XAB2: variants seen among roughly 807,000 people sequenced by gnomAD.
XAB2 encodes XPA binding protein 2.
Under a neutral mutation model 113.4 loss-of-function variants are expected in XAB2, and 57 were observed. That is an observed-to-expected ratio of 0.50 (90% CI 0.41 to 0.63). The LOEUF (loss-of-function observed/expected upper bound fraction) is 0.63. XAB2 is among the 20% of genes least tolerant of loss of function. The pLI is 0.00. For missense variants in XAB2, 1,037 were observed against 1,233.3 expected (o/e 0.84, Z 2.38); for synonymous variants, 497 against 498.8 (o/e 1.00, Z 0.05).
chr19:7,622,189 G>A (rs930195709), intron 12 of XAB2, 142 bp downstream of exon 12: 7 of 800,006 alleles, frequency 8.7e-6, no homozygotes, highest in Non-Finnish European at 1.4e-5. Context: ...CTCCAGGACG[G>A]GGAGAAGCTA....
chr19:7,621,068 G>A (rs779541083), intron 13 of XAB2, 32 bp from the exon 14 acceptor site: 41 of 1,537,432 alleles, frequency 2.7e-5, no homozygotes, highest in African/African-American at 1.1e-4. Flanking sequence ...AGGGGAGCAC[G>A]GTCAGCCGGG....
At position 7,624,537 on chromosome 19, in the gene XAB2, G is replaced by GGGGGCCTTCTGGGTAGTGACGCATCC; in HGVS notation, c.823-118_823-93dup. ...GCACCAGCCTCAATGTGGAACCCCT[G>GGGGGCCTTCTGGGTAGTGACGCATCC]GGGGCCTTCTGGGTAGTGACGCATC... On this transcript the variant is annotated intron_variant, in intron 6 of 18. Transcript: ENST00000358368. The surrounding 1 kb of genome is among the most constrained non-coding windows in gnomAD (Gnocchi z 4.2). 6.3e-7 allele frequency: 1 copy of GGGGGCCTTCTGGGTAGTGACGCATCC among 1,583,024 alleles called. No homozygotes were observed. The highest frequency in any genetic ancestry group is 8.6e-7 in the Non-Finnish European group (1 of 1,165,880).
rs1022131982 is a variant in XAB2, at chr19:7,626,253, T to C, written c.540A>G (p.Ala180=). The C allele has an allele frequency of 6.2e-7, 1 of 1,612,468 alleles. No homozygotes were observed. The highest frequency in any genetic ancestry group is 8.5e-7 in the Non-Finnish European group (1 of 1,179,874). ...RRFLKLSPES[A]EEYIEYLKSS... ...ACTTGAGGTACTCAATGTACTCCTCTGCACTCTCAGGACTCAGCTGGGGAC... is the reference window on the plus strand; with the variant it reads ...ACTTGAGGTACTCAATGTACTCCTCCGCACTCTCAGGACTCAGCTGGGGAC... Residue 180 remains alanine, a synonymous_variant, in exon 5 of 19, where the codon GCA becomes GCG. Transcript: ENST00000358368.
rs769653798 is a variant in XAB2, at chr19:7,623,809, G to A, written c.1041C>T (p.Ser347=). Residue 347 remains serine (S), a synonymous_variant, in exon 8 of 19, where the codon AGC becomes AGT. Coordinates refer to ENST00000358368, the MANE Select transcript of XAB2 (RefSeq NM_020196.3). The surrounding 1 kb of genome is among the most constrained non-coding windows in gnomAD (Gnocchi z 4.6). Reference sequence around the variant, plus strand: ...GGTGTGGGTTTTGGCGCAGCAAGACGCTGTTGAGGAGCAGGGGCCGCCGGC... The same window carrying A: ...GGTGTGGGTTTTGGCGCAGCAAGACACTGTTGAGGAGCAGGGGCCGCCGGC... ...LISRRPLLLN[S]VLLRQNPHHV... The A allele has an allele frequency of 1.1e-5, 18 of 1,611,948 alleles. No individual in the cohort carries two copies. The highest frequency in any genetic ancestry group is 8.8e-5 in the South Asian group (8 of 91,028).
intron 14 of XAB2, 44 bp from the exon 15 acceptor site, chr19:7,620,713 C>T: frequency 1.2e-6 from 2 of 1,606,358 alleles, no homozygotes; most frequent in Non-Finnish European, 1.7e-6. Flanking sequence ...GCCGGGGTAG[C>T]TCGGGGGCTC....
In XAB2 at chr19:7,624,265, C is replaced by T. The variant is rs1378277940; in HGVS notation, c.967+36G>A. The T allele has an allele frequency of 1.9e-6, 3 of 1,609,134 alleles. No homozygotes were observed. The highest frequency in any genetic ancestry group is 2.5e-6 in the Non-Finnish European group (3 of 1,179,930). On this transcript the variant is annotated intron_variant, in intron 7 of 18. Coordinates refer to ENST00000358368, the MANE Select transcript of XAB2 (RefSeq NM_020196.3). The surrounding 1 kb of genome is among the most constrained non-coding windows in gnomAD (Gnocchi z 4.2). ...GCCCCTACCGCTAATGTCCACTCAGCTCTCTCCCCACCAGCCGGGGCCCCC... is the reference window on the plus strand; with the variant it reads ...GCCCCTACCGCTAATGTCCACTCAGTTCTCTCCCCACCAGCCGGGGCCCCC...
intron 4 of XAB2, 110 bp from the exon 5 acceptor site, chr19:7,626,380 G>T: frequency 6.8e-7 from 1 of 1,466,128 alleles, no homozygotes; most frequent in Non-Finnish European, 9.2e-7. Context: ...AGTGTCTTGG[G>T]CAAAAGCAAG....
Position 7,621,227 on chromosome 19 carries a change from T to C in XAB2, c.1688A>G (p.Lys563Arg). The C allele has an allele frequency of 6.2e-7, 1 of 1,613,066 alleles. No individual in the cohort carries two copies. The highest frequency in any genetic ancestry group is 8.5e-7 in the Non-Finnish European group (1 of 1,179,972). ...VSDIWSTYLT[K>R]FIARYGGRKL... Reference sequence around the variant, plus strand: ...GCGGCCCCCATAGCGGGCAATGAATTTGGTCAGGTAGGTGCTCCAGATGTC... The same window carrying C: ...GCGGCCCCCATAGCGGGCAATGAATCTGGTCAGGTAGGTGCTCCAGATGTC... The change falls in exon 13 of 19, where the codon AAA becomes AGA. Residue 563 changes from lysine to arginine, a missense_variant. Coordinates refer to ENST00000358368, the MANE Select transcript of XAB2 (RefSeq NM_020196.3).
rs4134833 is a variant in XAB2 at position 7,626,357 on chromosome 19, C to T, written c.523-87G>A. 11,716 of 1,546,056 alleles carry T rather than the reference C, an allele frequency of 7.6e-3. 736 individuals are homozygous for T. The African/African-American group carries it at 0.14, about 19-fold the overall frequency. ...TTCAGTGGCTTCGGGGCGTCCCCCC[C>T]CACCCATTTATGAGTGTCTTGGGCA... On this transcript the variant is annotated intron_variant, in intron 4 of 18. Transcript: ENST00000358368.
In XAB2 at chr19:7,621,475, C is replaced by T. The variant is rs1471671432; in HGVS notation, c.1618-178G>A. 4.6e-6 allele frequency: 3 copies of T among 658,640 alleles called. No individual in the cohort carries two copies. In the African/African-American group the frequency reaches 5.4e-5, roughly 12 times the overall value. The allele number at this position is 658,640 out of a possible 1,614,324, so 40.8% of individuals were successfully genotyped here. ...GGGGTCTGTCCTCTGCACTGTCTCCCTCTGTGAGAACCCCAAGAACAGGGG... is the reference window on the plus strand; with the variant it reads ...GGGGTCTGTCCTCTGCACTGTCTCCTTCTGTGAGAACCCCAAGAACAGGGG... On this transcript the variant is annotated intron_variant, in intron 12 of 18. Transcript: ENST00000358368.
At chr19:7,620,472 G>T (rs554681666) in intron 15 of XAB2, 26 bp from the exon 16 acceptor site, 2 of 1,608,180 alleles carry the variant, frequency 1.2e-6, no homozygotes, top group African/African-American at 2.7e-5. Flanking sequence ...GGCAGGGGTG[G>T]GTGTGTGTGC....
intron 10 of XAB2, 30 bp from the exon 11 acceptor site, chr19:7,622,691 G>A (rs561718943): frequency 2.1e-5 from 34 of 1,611,994 alleles, no homozygotes; most frequent in East Asian, 4.5e-5. Flanking sequence ...CCGGGGAGGC[G>A]CTCAGGGGCT....
rs190449063 is a variant in XAB2 at position 7,625,731 on chromosome 19, G to A, written c.822+149C>T. 98 of 1,101,898 alleles carry A rather than the reference G, an allele frequency of 8.9e-5. No homozygotes were observed. In the East Asian group the frequency reaches 1.9e-3, roughly 21 times the overall value. 68.3% of individuals were successfully genotyped at this position (1,101,898 alleles called of 1,614,324 possible). On this transcript the variant is annotated intron_variant, in intron 6 of 18. Transcript: ENST00000358368. The surrounding 1 kb of genome is among the most constrained non-coding windows in gnomAD (Gnocchi z 5.2). ...TGACCTCAAGTGATCCTACCGCCTC[G>A]GCCTCCCAAAGTGCTGGGATGACAG...
chr19:7,619,846 A>T lies in XAB2; in HGVS notation c.2407T>A (p.Ser803Thr), dbSNP rs373115604. 19 of 1,612,212 alleles carry T rather than the reference A, an allele frequency of 1.2e-5. No individual in the cohort carries two copies. Among genetic ancestry groups the T allele is most frequent in the Non-Finnish European group, 1.5e-5 (18 of 1,179,886 alleles). ...SKILFVRSDA[S>T]REELAELAQQ... ...GCCAGCTCTGCCAGCTCCTCCCGGG[A>T]GGCGTCACTCCTAGGGACGGGCCAT... Residue 803 changes from serine (S) to threonine (T), a missense_variant, in exon 18 of 19, where the codon TCC becomes ACC. Physicochemically the swap from Ser to Thr is moderately conservative, Grantham distance 58 (BLOSUM62 1). Coordinates refer to ENST00000358368, the MANE Select transcript of XAB2 (RefSeq NM_020196.3).
chr19:7,622,053 T>C (rs535265631), intron 12 of XAB2: 2 of 370,248 alleles, frequency 5.4e-6, no homozygotes, highest in Admixed American at 8.6e-5. Context: ...AGAGGAAATT[T>C]CAAAAGTGAC....
chr19:7,624,430 C>G lies in XAB2; in HGVS notation c.838G>C (p.Glu280Gln). 6.2e-7 allele frequency: 1 copy of G among 1,614,096 alleles called. No individual in the cohort carries two copies. The highest frequency in any genetic ancestry group is 8.5e-7 in the Non-Finnish European group (1 of 1,180,000). The change falls in exon 7 of 19, where the codon GAG becomes CAG. Residue 280 changes from glutamate to glutamine, a missense_variant. Physicochemically the swap from Glu to Gln is conservative, Grantham distance 29. Coordinates refer to ENST00000358368, the MANE Select transcript of XAB2 (RefSeq NM_020196.3). The surrounding 1 kb of genome is among the most constrained non-coding windows in gnomAD (Gnocchi z 4.2). ...GTCATCACTGTCCGGATGGCCTCCT[C>G]GTACACGTCCCGAGCCTGTGGGGAC... ...GHFEKARDVY[E>Q]EAIRTVMTVR...
Position 7,628,189 on chromosome 19 carries a change from T to C in XAB2, c.161A>G (p.Asn54Ser). The change falls in exon 2 of 19, where the codon AAT (asparagine) becomes AGT (serine). Residue 54 changes from asparagine to serine, a missense_variant. Transcript: ENST00000358368. The surrounding 1 kb of genome is among the most constrained non-coding windows in gnomAD (Gnocchi z 4.6). ...FKQGAPKPRL[N>S]QLYERALKLL... ...CTTGAGTGCCCGCTCGTATAGCTGA[T>C]TGAGCCTGGGCTTCGGGGCGCCCTG... 1 of 1,614,052 alleles carries C rather than the reference T, an allele frequency of 6.2e-7. No homozygotes were observed. Among genetic ancestry groups the C allele is most frequent in the Admixed American group, 1.7e-5 (1 of 60,024 alleles).
Position 7,627,112 on chromosome 19 carries a change from CAAA to C in XAB2, c.522+128_522+130del. The C allele has an allele frequency of 2.8e-6, 3 of 1,071,806 alleles. No homozygotes were observed. The highest frequency in any genetic ancestry group is 4.0e-6 in the Non-Finnish European group (3 of 741,698). 66.4% of individuals were successfully genotyped at this position (1,071,806 alleles called of 1,614,324 possible). A position where few individuals can be genotyped will look rare whatever the true frequency, so the allele number is the denominator to read the frequency against. On this transcript the variant is annotated intron_variant, in intron 4 of 18. Transcript: ENST00000358368. The surrounding 1 kb of genome is among the most constrained non-coding windows in gnomAD (Gnocchi z 4.5). Reference sequence around the variant, plus strand: ...TAAAGACATGAATCACGGACAACAACAAAACACATGCATCTCCAGGAGCCTCTT... The same window carrying C: ...TAAAGACATGAATCACGGACAACAACACACATGCATCTCCAGGAGCCTCTT...
Position 7,621,289 on chromosome 19 carries a change from C to T in XAB2, c.1626G>A (p.Glu542=), listed in dbSNP as rs200924366. ...KYFEESFKAY[E]RGISLFKWPN... is the part of the protein sequence containing the mutation. The stretch of plus-strand genomic sequence containing the variant: ...GCCACTTGAACAGCGAGATGCCGCG[C>T]TCGTACGCCTGTTACCAGAGGGAGA... The change falls in exon 13 of 19, where the codon GAG becomes GAA. Residue 542 remains glutamate, a synonymous_variant. Coordinates refer to ENST00000358368, the MANE Select transcript of XAB2 (RefSeq NM_020196.3). 2 of 1,612,804 alleles carry T rather than the reference C, an allele frequency of 1.2e-6. No individual in the cohort carries two copies. Among genetic ancestry groups the T allele is most frequent in the Non-Finnish European group, 8.5e-7 (1 of 1,179,880 alleles).
Sources: allele counts gnomAD v4.1 joint callset, GRCh38; gene constraint gnomAD v4.1.1; non-coding constraint Gnocchi (gnomAD v3.1); transcripts MANE v1.5; gene names NCBI Gene and HGNC (gene_info 2026-07-23, HGNC 2026-07-21).